The following TRIM71 variants were observed in gnomAD, a reference collection of about 807,000 sequenced individuals.
TRIM71 encodes the protein E3 ubiquitin-protein ligase TRIM71.
In TRIM71, 9 loss-of-function variants were observed where a neutral mutation model predicts 61.2. That is an observed-to-expected ratio of 0.15 (90% CI 0.09 to 0.26). The LOEUF is 0.26. Ranked by LOEUF, TRIM71 falls within the 10% of genes least tolerant of loss-of-function variation. The probability of loss-of-function intolerance (pLI) is 1.00; values close to 1 mark genes in which losing one functional copy is unlikely to be tolerated. For synonymous variants in TRIM71, 645 were observed against 553.2 expected (o/e 1.17, Z -2.33); for missense variants, 998 against 1,238.7 (o/e 0.81, Z 2.92).
chr3:32,885,611 G>A (rs1696952896), intron 2 of TRIM71, among the ~76,000 whole-genome samples: 1 of 152,216 alleles, frequency 6.6e-6, no homozygotes, highest in Non-Finnish European at 1.5e-5. Flanking sequence ...TTTTACATCT[G>A]ATCCTCATTC....
chr3:32,870,396 G>T (rs1244895075), intron 1 of TRIM71, among the ~76,000 whole-genome samples: 1 of 152,056 alleles, frequency 6.6e-6, no homozygotes, highest in Non-Finnish European at 1.5e-5. Flanking sequence ...GTTGCAGGCG[G>T]CCTGGAGCTG....
chr3:32,867,102 T>A (rs1214095154), intron 1 of TRIM71, among the ~76,000 whole-genome samples: 1 of 152,072 alleles, frequency 6.6e-6, no homozygotes, highest in Non-Finnish European at 1.5e-5. Flanking sequence ...AGCCCAAACA[T>A]TTAAATTTGA....
intron 1 of TRIM71, among the ~76,000 whole-genome samples, chr3:32,861,212 C>G (rs893085245): frequency 2.7e-5 from 4 of 150,916 alleles, no homozygotes; most frequent in Non-Finnish European, 3.0e-5. Context: ...GATGGAGTCT[C>G]TGTTGCCCAG....
chr3:32,874,441 C>T (rs1696833527), intron 2 of TRIM71, among the ~76,000 whole-genome samples: 1 of 152,074 alleles, frequency 6.6e-6, no homozygotes, highest in Admixed American at 6.6e-5. Context: ...CGGCTAACCA[C>T]AACCTCCACC....
chr3:32,882,203 T>C (rs899422702), intron 2 of TRIM71, among the ~76,000 whole-genome samples: 2 of 152,054 alleles, frequency 1.3e-5, no homozygotes, highest in Admixed American at 1.3e-4. Context: ...TAACATATGA[T>C]AGAAGTTAGA....
At chr3:32,863,636 C>G (rs774172209) in intron 1 of TRIM71, among the ~76,000 whole-genome samples, 3 of 152,092 alleles carry the variant, frequency 2.0e-5, no homozygotes, top group African/African-American at 4.8e-5. Context: ...TTTCACCAGT[C>G]TTAGTGCCTT....
chr3:32,829,073 A>C (rs1450172046), intron 1 of TRIM71, among the ~76,000 whole-genome samples: 1 of 151,654 alleles, frequency 6.6e-6, no homozygotes, highest in Non-Finnish European at 1.5e-5. Flanking sequence ...GGCTCACTGC[A>C]ACCTCCGCTT....
chr3:32,885,668 G>A (rs904406135), intron 2 of TRIM71, among the ~76,000 whole-genome samples: 2 of 152,198 alleles, frequency 1.3e-5, no homozygotes, highest in African/African-American at 4.8e-5. Flanking sequence ...CTGTGTCAGA[G>A]TATCTCTTAA....
At chr3:32,886,468 C>T (rs79042634) in intron 3 of TRIM71, among the ~76,000 whole-genome samples, 4,069 of 152,186 alleles carry the variant, frequency 0.027, 181 homozygotes, top group African/African-American at 0.093. Context: ...TTTTCCTCTT[C>T]GGAGGGCAGT....
chr3:32,878,785 G>C (rs895842387), intron 2 of TRIM71, among the ~76,000 whole-genome samples: 1 of 152,180 alleles, frequency 6.6e-6, no homozygotes. Context: ...ATGACTGTTG[G>C]CTTCAACTTA....
intron 1 of TRIM71, among the ~76,000 whole-genome samples, chr3:32,871,778 A>G (rs1348743986): frequency 6.6e-6 from 1 of 152,168 alleles, no homozygotes; most frequent in Non-Finnish European, 1.5e-5. Context: ...GTCTGCCACC[A>G]TTGCTGGCAA....
intron 1 of TRIM71, among the ~76,000 whole-genome samples, chr3:32,867,784 T>G (rs540231248): frequency 6.6e-6 from 1 of 152,198 alleles, no homozygotes; most frequent in Non-Finnish European, 1.5e-5. Context: ...ATAACTATAG[T>G]ACCGTGTTGC....
intron 1 of TRIM71, among the ~76,000 whole-genome samples, chr3:32,866,302 G>A (rs1696736037): frequency 6.6e-6 from 1 of 152,014 alleles, no homozygotes; most frequent in South Asian, 2.1e-4. Context: ...GGGCTGGAGT[G>A]CAGTGGCGTG....
chr3:32,869,008 C>T (rs1696769761), intron 1 of TRIM71, among the ~76,000 whole-genome samples: 1 of 152,166 alleles, frequency 6.6e-6, no homozygotes, highest in African/African-American at 2.4e-5. Flanking sequence ...TCAAGTAAAG[C>T]GTTGTTTTAA....
chr3:32,859,367 C>T (rs956876025), intron 1 of TRIM71, among the ~76,000 whole-genome samples: 4 of 152,148 alleles, frequency 2.6e-5, no homozygotes, highest in African/African-American at 4.8e-5. Context: ...TCAAACGATT[C>T]TCCTGCCTCA....
In TRIM71 at chr3:32,885,993, G is replaced by A. The variant is rs1294433628; in HGVS notation, c.1080G>A (p.Val360=). 6.2e-7 allele frequency: 1 copy of A among 1,614,206 alleles called. No homozygotes were observed. Among genetic ancestry groups the A allele is most frequent in the East Asian group, 2.2e-5 (1 of 44,890 alleles). ...AEQVEMKAKV[V]QSEVKAVTAR... Reference sequence around the variant, plus strand: ...AGGTGGAGATGAAGGCGAAGGTTGTGCAGTCGGAGGTCAAAGCCGTGACGG... The same window carrying A: ...AGGTGGAGATGAAGGCGAAGGTTGTACAGTCGGAGGTCAAAGCCGTGACGG... The change falls in exon 3 of 4, where the codon GTG becomes GTA. Residue 360 remains valine (V), a synonymous_variant. Coordinates refer to ENST00000383763, the MANE Select transcript of TRIM71 (RefSeq NM_001039111.3).
At chr3:32,886,209 C>A in intron 3 of TRIM71, 141 bp downstream of exon 3, 1 of 1,152,494 alleles carries the variant, frequency 8.7e-7, no homozygotes, top group Non-Finnish European at 1.2e-6. Flanking sequence ...AGCCTGTTAG[C>A]AGAAAGATGC....
At chr3:32,832,736 T>G (rs1696286336) in intron 1 of TRIM71, among the ~76,000 whole-genome samples, 1 of 152,158 alleles carries the variant, frequency 6.6e-6, no homozygotes, top group African/African-American at 2.4e-5. Flanking sequence ...TTACCTAATT[T>G]TTTCTACTTC....
At chr3:32,820,830 T>A (rs1559535497) in intron 1 of TRIM71, among the ~76,000 whole-genome samples, 1 of 152,228 alleles carries the variant, frequency 6.6e-6, no homozygotes, top group Non-Finnish European at 1.5e-5. Context: ...GCTCTTCAAA[T>A]TCACTTTTTA....
Sources: gnomAD v4.1 joint callset for allele counts (sites outside exome capture counted in the v4.1 genomes callset) on GRCh38, gnomAD v4.1.1 for gene constraint, MANE v1.5 for transcripts, NCBI Gene and HGNC (gene_info 2026-07-23, HGNC 2026-07-21) for gene names.